KIF16B: variants seen among roughly 807,000 people sequenced by gnomAD.
KIF16B encodes kinesin-like protein KIF16B.
A neutral mutation model predicts 156.3 loss-of-function variants in KIF16B; 98 were observed. The observed-to-expected ratio is 0.63, with a 90% CI of 0.53 to 0.74. The LOEUF (loss-of-function observed/expected upper bound fraction) is 0.74. Ranked by LOEUF, KIF16B falls within the 30% of genes least tolerant of loss-of-function variation. The pLI is 0.00. For missense variants in KIF16B, 1,421 were observed against 1,606.5 expected (o/e 0.88, Z 1.97); for synonymous variants, 564 against 583.7 (o/e 0.97, Z 0.49).
intron 25 of KIF16B, among the ~76,000 whole-genome samples, chr20:16,298,618 C>T (rs2063425961): frequency 6.6e-6 from 1 of 152,164 alleles, no homozygotes; most frequent in South Asian, 2.1e-4. Flanking sequence ...TGAACGGTGA[C>T]TGTCACAGTC....
chr20:16,445,204 A>G (rs74181915), intron 12 of KIF16B, among the ~76,000 whole-genome samples: 1 of 142,100 alleles, frequency 7.0e-6, no homozygotes, highest in Non-Finnish European at 1.6e-5. Context: ...TCTCTAAAGG[A>G]AAGAAGGAAA....
chr20:16,410,970 G>A (rs1381300493), intron 15 of KIF16B, among the ~76,000 whole-genome samples: 1 of 152,108 alleles, frequency 6.6e-6, no homozygotes, highest in African/African-American at 2.4e-5. Context: ...AAACGGTGAT[G>A]TTTCATCAGC....
chr20:16,570,461 T>C lies in KIF16B; in HGVS notation c.47+2768A>G, dbSNP rs541681891. On this transcript the variant is annotated intron_variant, in intron 1 of 25. Transcript: ENST00000354981. ...GATCAATGCAGAGGCGTCTGTTTCATCACTCCTGTACCAGCAATTGGTGCT... is the reference window on the plus strand; with the variant it reads ...GATCAATGCAGAGGCGTCTGTTTCACCACTCCTGTACCAGCAATTGGTGCT... Among the ~76,000 whole-genome samples, 10 of 152,362 alleles carry C rather than the reference T, an allele frequency of 6.6e-5. No individual in the cohort carries two copies. The South Asian group carries it at 2.1e-3, about 32-fold the overall frequency.
chr20:16,555,538 C>A (rs111693171), intron 1 of KIF16B, among the ~76,000 whole-genome samples: 4 of 152,286 alleles, frequency 2.6e-5, no homozygotes, highest in African/African-American at 9.6e-5. Context: ...CAAGGAAAAG[C>A]TCATAAAAGG....
At chr20:16,437,224 C>A (rs895963667) in intron 12 of KIF16B, among the ~76,000 whole-genome samples, 3 of 152,166 alleles carry the variant, frequency 2.0e-5, no homozygotes, top group African/African-American at 7.2e-5. Flanking sequence ...ACAGCATTTT[C>A]TCAATTTTTT....
Position 16,371,756 on chromosome 20 carries a change from T to C in KIF16B, c.3356A>G (p.Asn1119Ser), listed in dbSNP as rs8123195. Reference sequence around the variant, plus strand: ...TTGGACTTCTTCTTCAATGTAAGCATTGATCCTGTAACACAATGGAGATGG... The same window carrying C: ...TTGGACTTCTTCTTCAATGTAAGCACTGATCCTGTAACACAATGGAGATGG... ...HLVPLMDARI[N>S]AYIEEEVQRR... is the part of the protein sequence containing the mutation. Residue 1119 changes from asparagine to serine, a missense_variant, in exon 21 of 26, where the codon AAT becomes AGT. Physicochemically the swap from Asn to Ser is conservative, Grantham distance 46 (BLOSUM62 1). Coordinates refer to ENST00000354981, the MANE Select transcript of KIF16B (RefSeq NM_024704.5). 0.016 allele frequency: 25,813 copies of C among 1,610,934 alleles called. 1,406 individuals are homozygous for C. The African/African-American group carries it at 0.18, about 11-fold the overall frequency.
chr20:16,384,442 T>C (rs1368446938), intron 17 of KIF16B, among the ~76,000 whole-genome samples: 2 of 152,146 alleles, frequency 1.3e-5, no homozygotes, highest in Non-Finnish European at 2.9e-5. Flanking sequence ...GGAAAGCTAA[T>C]AAAATCAGCT....
At chr20:16,283,264 C>T (rs527804060) in intron 25 of KIF16B, among the ~76,000 whole-genome samples, 8 of 152,312 alleles carry the variant, frequency 5.3e-5, no homozygotes, top group African/African-American at 1.7e-4. Context: ...GGGTGGAAGG[C>T]GCATTTTGCA....
chr20:16,437,388 T>C (rs2066669155), intron 12 of KIF16B, among the ~76,000 whole-genome samples: 1 of 152,214 alleles, frequency 6.6e-6, no homozygotes, highest in Non-Finnish European at 1.5e-5. Context: ...GGTCACTATT[T>C]GATTCAGAGA....
chr20:16,450,670 C>G (rs1045883556), intron 12 of KIF16B, among the ~76,000 whole-genome samples: 1 of 152,184 alleles, frequency 6.6e-6, no homozygotes, highest in African/African-American at 2.4e-5. Context: ...AGAAAAGGGG[C>G]AGCATCTCAC....
chr20:16,541,785 G>A (rs1034931350), intron 1 of KIF16B, among the ~76,000 whole-genome samples: 4 of 152,210 alleles, frequency 2.6e-5, no homozygotes, highest in African/African-American at 9.7e-5. Flanking sequence ...CTGCAGCACC[G>A]ACCCATGGAC....
intron 25 of KIF16B, among the ~76,000 whole-genome samples, chr20:16,280,841 C>CGCGCGTGTGTGTGTGTGTGT (rs112026824): frequency 1.3e-5 from 1 of 74,432 alleles, no homozygotes. Flanking sequence ...TGCGCGCGCA[C>CGCGCGTGTGTGTGTGTGTGT]GTGTGTGTGT....
chr20:16,367,285 T>G (rs779382529), intron 22 of KIF16B: 1 of 1,612,776 alleles, frequency 6.2e-7, no homozygotes, highest in Non-Finnish European at 8.5e-7. Flanking sequence ...TGGGGCTTCC[T>G]GAAGGTGCTC....
chr20:16,294,012 A>G (rs551302506), intron 25 of KIF16B, among the ~76,000 whole-genome samples: 1 of 152,124 alleles, frequency 6.6e-6, no homozygotes, highest in Non-Finnish European at 1.5e-5. Flanking sequence ...GGAATATAGG[A>G]ATGCAATTTT....
chr20:16,285,473 T>G (rs2063209675), intron 25 of KIF16B, among the ~76,000 whole-genome samples: 1 of 152,228 alleles, frequency 6.6e-6, no homozygotes, highest in African/African-American at 2.4e-5. Context: ...GTTATTAGTT[T>G]TTTTGCGTAT....
In KIF16B at chr20:16,379,104, C is replaced by G; in HGVS notation, c.2898G>C (p.Leu966=). 6.2e-7 allele frequency: 1 copy of G among 1,612,756 alleles called. No homozygotes were observed. The highest frequency in any genetic ancestry group is 8.5e-7 in the Non-Finnish European group (1 of 1,179,190). Reference sequence around the variant, plus strand: ...ATTCAAAGGTGGCTTGGAGCTTTTGCAGCTGGTTTGCATTGGCCTGGTACT... The same window carrying G: ...ATTCAAAGGTGGCTTGGAGCTTTTGGAGCTGGTTTGCATTGGCCTGGTACT... The part of the protein sequence containing the change: ...LAQYQANANQ[L]QKLQATFEFT... Residue 966 remains leucine (L), a synonymous_variant, in exon 19 of 26, where the codon CTG becomes CTC. Transcript: ENST00000354981.
chr20:16,331,294 A>T (rs2063944061), intron 24 of KIF16B, among the ~76,000 whole-genome samples: 1 of 152,250 alleles, frequency 6.6e-6, no homozygotes, highest in South Asian at 2.1e-4. Flanking sequence ...CTCCATCAAG[A>T]GACCTGTCAC....
intron 22 of KIF16B, among the ~76,000 whole-genome samples, chr20:16,358,778 T>G (rs910746384): frequency 1.3e-5 from 2 of 152,254 alleles, no homozygotes; most frequent in African/African-American, 4.8e-5. Context: ...GGAATTTTAC[T>G]GAGGAAGAAC....
rs1398636649 is a variant in KIF16B, at chr20:16,512,936, G to A, written c.349-13C>T. ...AGCCAGAATCTCCCTGCATGGGAAA[G>A]ACCAATGTCACAGCTGTCACTCAAA... On this transcript the variant is annotated splice_polypyrimidine_tract_variant and intron_variant, in intron 4 of 25. Coordinates refer to ENST00000354981, the MANE Select transcript of KIF16B (RefSeq NM_024704.5). The A allele has an allele frequency of 1.3e-6, 2 of 1,548,586 alleles. No individual in the cohort carries two copies. Among genetic ancestry groups the A allele is most frequent in the Admixed American group, 1.7e-5 (1 of 59,610 alleles).
Sources: gnomAD v4.1 joint callset for allele counts (sites outside exome capture counted in the v4.1 genomes callset) on GRCh38, gnomAD v4.1.1 for gene constraint, MANE v1.5 for transcripts, NCBI Gene and HGNC (gene_info 2026-07-23, HGNC 2026-07-21) for gene names.